The following MYO18A variants were observed in gnomAD, a reference collection of about 807,000 sequenced individuals.
MYO18A encodes the protein unconventional myosin-XVIIIa.
MYO18A carries 78 observed loss-of-function variants against 235.8 expected under a neutral mutation model. The observed-to-expected ratio is 0.33, with a 90% confidence interval of 0.28 to 0.40. The LOEUF is 0.40. Among genes scored for constraint, MYO18A ranks in the 10% least tolerant of loss-of-function variants. The pLI, the probability that MYO18A is intolerant of heterozygous loss-of-function variation, is 1.00. For synonymous variants in MYO18A, 977 were observed against 1,077.8 expected (o/e 0.91, Z 1.83); for missense variants, 2,215 against 2,699.3 (o/e 0.82, Z 3.98).
intron 2 of MYO18A, among the ~76,000 whole-genome samples, chr17:29,147,339 A>C (rs2067870179): frequency 6.6e-6 from 1 of 151,998 alleles, no homozygotes; most frequent in Non-Finnish European, 1.5e-5. Flanking sequence ...CAACATGGCA[A>C]AATCCCATCT....
In MYO18A at chr17:29,099,703, G is replaced by T. The variant is rs201677359; in HGVS notation, c.3567C>A (p.Ser1189Arg). 1.1e-5 allele frequency: 18 copies of T among 1,613,694 alleles called. No homozygotes were observed. The South Asian group carries it at 1.8e-4, about 16-fold the overall frequency. ...RLEEQRDEQT[S>R]RNLTLFQAAC... The stretch of plus-strand genomic sequence containing the variant: ...CTGCTTGGAACAGGGTTAGGTTCCT[G>T]CTGGTTTGTTCATCCCGCTGCTCCT... The change falls in exon 22 of 42, where the codon AGC (serine) becomes AGA (arginine). Residue 1189 changes from serine (S) to arginine (R), a missense_variant. Coordinates refer to ENST00000527372, the MANE Select transcript of MYO18A (RefSeq NM_078471.4).
At chr17:29,084,721 C>G (rs576415028) in intron 40 of MYO18A, among the ~76,000 whole-genome samples, 1 of 152,018 alleles carries the variant, frequency 6.6e-6, no homozygotes. Flanking sequence ...GAGTCCTGTG[C>G]GCTGCCACCA....
rs966848692 is a variant in MYO18A at position 29,074,428 on chromosome 17, T to C, written c.*342A>G. 1.7e-6 allele frequency: 1 copy of C among 592,846 alleles called. No homozygotes were observed. Among genetic ancestry groups the C allele is most frequent in the Non-Finnish European group, 3.0e-6 (1 of 328,572 alleles). The allele number at this position is 592,846 out of a possible 1,614,324, so 36.7% of individuals were successfully genotyped here. A position where few individuals can be genotyped will look rare whatever the true frequency, so the allele number is the denominator to read the frequency against. ...GTCCCAGTAGGCAACCTGTCCACCG[T>C]CCCTGAGCAGGGAGCTGAGAGGGAG... On this transcript the variant is annotated 3_prime_UTR_variant, in exon 42 of 42. Transcript: ENST00000527372. This position sits in a 1 kb window ranked among gnomAD's most constrained non-coding sequence, Gnocchi z 4.4.
chr17:29,105,739 C>T (rs886710159), intron 20 of MYO18A, among the ~76,000 whole-genome samples: 1 of 152,154 alleles, frequency 6.6e-6, no homozygotes, highest in African/African-American at 2.4e-5. Flanking sequence ...AGACAGGAAG[C>T]CTGGAGTCAC....
chr17:29,111,642 C>T lies in MYO18A; in HGVS notation c.2741-59G>A. 1 of 1,610,982 alleles carries T rather than the reference C, an allele frequency of 6.2e-7. No homozygotes were observed. The highest frequency in any genetic ancestry group is 1.1e-5 in the South Asian group (1 of 90,880). ...GGGTACAGGCACAAAGTGACCCCCGCCCCCTCCCAGGGAGTGCCACCTGGA... is the reference window on the plus strand; with the variant it reads ...GGGTACAGGCACAAAGTGACCCCCGTCCCCTCCCAGGGAGTGCCACCTGGA... On this transcript the variant is annotated intron_variant, in intron 16 of 41. Coordinates refer to ENST00000527372, the MANE Select transcript of MYO18A (RefSeq NM_078471.4). This position sits in a 1 kb window ranked among gnomAD's most constrained non-coding sequence, Gnocchi z 5.1.
Position 29,074,230 on chromosome 17 carries a change from C to T in MYO18A, c.*540G>A. 1 of 1,546,882 alleles carries T rather than the reference C, an allele frequency of 6.5e-7. No homozygotes were observed. The highest frequency in any genetic ancestry group is 8.8e-7 in the Non-Finnish European group (1 of 1,140,358). Reference sequence around the variant, plus strand: ...AGTCGTTCTTGGGAGCCCCAGCTACCACTACAGCCCCCTCCCACTCTCAGG... The same window carrying T: ...AGTCGTTCTTGGGAGCCCCAGCTACTACTACAGCCCCCTCCCACTCTCAGG... On this transcript the variant is annotated 3_prime_UTR_variant, in exon 42 of 42. Coordinates refer to ENST00000527372, the MANE Select transcript of MYO18A (RefSeq NM_078471.4). This position sits in a 1 kb window ranked among gnomAD's most constrained non-coding sequence, Gnocchi z 4.4.
At chr17:29,172,864 A>T (rs2068436313) in intron 1 of MYO18A, among the ~76,000 whole-genome samples, 1 of 152,234 alleles carries the variant, frequency 6.6e-6, no homozygotes, top group Non-Finnish European at 1.5e-5. Context: ...ATGGACAGGC[A>T]ATTTGTAGGG....
At chr17:29,104,829 T>C (rs571450232) in intron 20 of MYO18A, among the ~76,000 whole-genome samples, 2 of 151,728 alleles carry the variant, frequency 1.3e-5, no homozygotes, top group South Asian at 2.1e-4. Flanking sequence ...CAGGAGAGAA[T>C]GTCCCAGAAA....
intron 2 of MYO18A, among the ~76,000 whole-genome samples, chr17:29,157,910 C>G (rs115469163): frequency 1.3e-4 from 20 of 152,300 alleles, no homozygotes; most frequent in African/African-American, 4.8e-4. Flanking sequence ...CCTCCCACCT[C>G]AGCCATCCAA....
chr17:29,108,756 T>C (rs555082113), intron 19 of MYO18A, among the ~76,000 whole-genome samples: 1 of 152,182 alleles, frequency 6.6e-6, no homozygotes, highest in Non-Finnish European at 1.5e-5. Context: ...GCAATTAAAT[T>C]GATGGGCCAG....
At chr17:29,112,232 T>C (rs2066948928) in intron 15 of MYO18A, among the ~76,000 whole-genome samples, 1 of 152,212 alleles carries the variant, frequency 6.6e-6, no homozygotes, top group Non-Finnish European at 1.5e-5. Context: ...TCTCACTCCC[T>C]GGCAGTGGCA....
chr17:29,179,488 G>C (rs1374516489), intron 1 of MYO18A, among the ~76,000 whole-genome samples: 1 of 152,156 alleles, frequency 6.6e-6, no homozygotes, highest in Non-Finnish European at 1.5e-5. Flanking sequence ...AGGGTGAGGG[G>C]GCAGCCACCC....
At position 29,107,262 on chromosome 17, in the gene MYO18A, T is replaced by C. The variant is rs973287320; in HGVS notation, c.3332-73A>G. 15 of 1,431,826 alleles carry C rather than the reference T, an allele frequency of 1.0e-5. No homozygotes were observed. In the East Asian group the frequency reaches 3.4e-4, roughly 33 times the overall value. 88.7% of individuals were successfully genotyped at this position (1,431,826 alleles called of 1,614,324 possible). On this transcript the variant is annotated intron_variant, in intron 19 of 41. Transcript: ENST00000527372. ...AGCACACCCCAGTAGCCACTGTGCC[T>C]GGGCAGTCAGTGGAGAGTCACCAAA...
rs2066795418 is a variant in MYO18A, at chr17:29,106,718, C to T, written c.3441+362G>A. Among the ~76,000 whole-genome samples the T allele has an allele frequency of 6.6e-6, 1 of 152,226 alleles. No individual in the cohort carries two copies. Among genetic ancestry groups the T allele is most frequent in the African/African-American group, 2.4e-5 (1 of 41,458 alleles). On this transcript the variant is annotated intron_variant, in intron 20 of 41. Transcript: ENST00000527372. The surrounding 1 kb of genome is among the most constrained non-coding windows in gnomAD (Gnocchi z 4.6). ...CTTCTAGGAGGAATGTTCGCCCAGCCCTGGACAGCTTCCTGCTTCAGGAAC... is the reference window on the plus strand; with the variant it reads ...CTTCTAGGAGGAATGTTCGCCCAGCTCTGGACAGCTTCCTGCTTCAGGAAC...
intron 28 of MYO18A, 39 bp from the exon 29 acceptor site, chr17:29,095,098 G>A (rs1450863935): frequency 2.0e-6 from 3 of 1,492,560 alleles, no homozygotes; most frequent in Middle Eastern, 3.5e-4. Flanking sequence ...ATGGGGAAGA[G>A]CCAGGGTCCC....
At chr17:29,124,461 G>A (rs532933505) in intron 2 of MYO18A, among the ~76,000 whole-genome samples, 8 of 152,332 alleles carry the variant, frequency 5.3e-5, no homozygotes, top group African/African-American at 1.9e-4. Flanking sequence ...ACACAGAGCT[G>A]CACCATCTCA....
chr17:29,110,169 G>A, intron 18 of MYO18A, 68 bp from the exon 19 acceptor site: 2 of 1,564,464 alleles, frequency 1.3e-6, no homozygotes, highest in Non-Finnish European at 1.7e-6. Context: ...AGGGACTGGT[G>A]CCAGCGTCTC....
chr17:29,080,281 G>A (rs1166430362), intron 41 of MYO18A: 1 of 985,916 alleles, frequency 1.0e-6, no homozygotes, highest in Non-Finnish European at 1.2e-6. Context: ...CTCCAGGTCT[G>A]GGTCCAGGTA....
At position 29,166,504 on chromosome 17, in the gene MYO18A, C is replaced by G; in HGVS notation, c.437G>C (p.Arg146Pro). ...VKRFSFSQRS[R>P]DESASETSTP... ...CGAGGTTTCTGAGGCGCTCTCATCC[C>G]GGCTACGCTGGGAGAAGGAAAAGCG... Residue 146 changes from arginine (R) to proline (P), a missense_variant, in exon 2 of 42, where the codon CGG becomes CCG. Arg to Pro is a moderately radical substitution (Grantham distance 103). Coordinates refer to ENST00000527372, the MANE Select transcript of MYO18A (RefSeq NM_078471.4). The G allele has an allele frequency of 1.2e-6, 2 of 1,613,568 alleles. No homozygotes were observed. Among genetic ancestry groups the G allele is most frequent in the South Asian group, 1.1e-5 (1 of 91,076 alleles).
Sources: allele counts gnomAD v4.1 joint callset (sites outside exome capture counted in the v4.1 genomes callset), GRCh38; gene constraint gnomAD v4.1.1; non-coding constraint Gnocchi (gnomAD v3.1); transcripts MANE v1.5; gene names NCBI Gene and HGNC (gene_info 2026-07-23, HGNC 2026-07-21).